Variants in CD1A observed in about 807,000 individuals in gnomAD.
The protein encoded by CD1A is CD1a molecule.
In CD1A, 50 loss-of-function variants were observed where a neutral mutation model predicts 38.3. The ratio of observed to expected loss-of-function variants is 1.30; its 90% confidence interval spans 1.04 to 1.65. The LOEUF is 1.65. Ranked by LOEUF, CD1A falls within the 40% of genes most tolerant of loss-of-function variation. CD1A has a pLI of 0.00. For synonymous variants in CD1A, 160 were observed against 150.8 expected, an observed-to-expected ratio of 1.06 and a Z score of -0.45; for missense variants, 459 against 406.1, an observed-to-expected ratio of 1.13 and a Z score of -1.12.
rs769775413 is a variant in CD1A at position 158,257,073 on chromosome 1, A to C, written c.883+9A>C. ...CATCGTCCTCTACTGGGGTGAGAAA[A>C]AGCTAAGGCCCAGGCTGGAAATGCC... On this transcript the variant is annotated intron_variant, in intron 4 of 5. Coordinates refer to ENST00000289429, the MANE Select transcript of CD1A (RefSeq NM_001763.3). 1.9e-6 allele frequency: 3 copies of C among 1,596,200 alleles called. No individual in the cohort carries two copies. The highest frequency in any genetic ancestry group is 2.6e-6 in the Non-Finnish European group (3 of 1,168,174).
intron 5 of CD1A, 57 bp from the exon 6 acceptor site, chr1:158,257,623 CT>C (rs1650305202): frequency 2.7e-5 from 43 of 1,597,730 alleles, no homozygotes; most frequent in Non-Finnish European, 3.7e-5. Context: ...TTCCCTCTTG[CT>C]CCTCAATTCT....
upstream of CD1A, among the ~76,000 whole-genome samples, chr1:158,250,212 C>T (rs1195248360): frequency 6.6e-6 from 1 of 152,136 alleles, no homozygotes; most frequent in Non-Finnish European, 1.5e-5. Context: ...TAGTGGTGGA[C>T]AGGAGGGCAA....
upstream of CD1A, among the ~76,000 whole-genome samples, chr1:158,253,593 T>C (rs554015590): frequency 8.5e-4 from 129 of 152,312 alleles, no homozygotes; most frequent in Non-Finnish European, 1.4e-3. Context: ...ACTGAATTCA[T>C]TCATTCATTT....
upstream of CD1A, among the ~76,000 whole-genome samples, chr1:158,250,220 C>T (rs927262961): frequency 6.6e-5 from 10 of 152,140 alleles, no homozygotes; most frequent in Admixed American, 2.0e-4. Flanking sequence ...GACAGGAGGG[C>T]AAGAATTGCC....
At chr1:158,254,340 G>T, upstream of CD1A, 1 of 1,182,120 alleles carries the variant, frequency 8.5e-7, no homozygotes, top group Admixed American at 4.0e-5. Context: ...GTATGATTGA[G>T]AAAAAAATGT....
intron 3 of CD1A, among the ~76,000 whole-genome samples, 166 bp from the exon 4 acceptor site, chr1:158,256,620 T>C (rs556173753): frequency 1.3e-5 from 2 of 151,540 alleles, no homozygotes; most frequent in African/African-American, 4.9e-5. Context: ...CAGTGAGCTA[T>C]AATTTATAAT....
At chr1:158,253,464 C>CTAA (rs1558065220), upstream of CD1A, among the ~76,000 whole-genome samples, 82 of 152,210 alleles carry the variant, frequency 5.4e-4, 1 homozygote, top group African/African-American at 1.8e-3. Context: ...GTACTTTTAT[C>CTAA]CTAAATAAAA....
rs1178993205 is a variant in CD1A at position 158,255,123 on chromosome 1, C to T, written c.98C>T (p.Ala33Val). The change falls in exon 2 of 6, where the codon GCA (alanine) becomes GTA (valine). Residue 33 changes from alanine (A) to valine (V), a missense_variant. Transcript: ENST00000289429. ...EPLSFHVTWI[A>V]SFYNHSWKQN... ...CTCTCCTTCCATGTCACCTGGATCG[C>T]ATCCTTTTACAACCATTCCTGGAAA... 1 of 1,614,098 alleles carries T rather than the reference C, an allele frequency of 6.2e-7. No individual in the cohort carries two copies. Among genetic ancestry groups the T allele is most frequent in the African/African-American group, 1.3e-5 (1 of 75,006 alleles).
chr1:158,254,456 G>T lies in CD1A; in HGVS notation c.-214G>T. 3 of 1,391,888 alleles carry T rather than the reference G, an allele frequency of 2.2e-6. No individual in the cohort carries two copies. The highest frequency in any genetic ancestry group is 2.8e-6 in the Non-Finnish European group (3 of 1,072,540). The allele number at this position is 1,391,888 out of a possible 1,614,324, so 86.2% of individuals were successfully genotyped here. On this transcript the variant is annotated 5_prime_UTR_variant, in exon 1 of 6. Coordinates refer to ENST00000289429, the MANE Select transcript of CD1A (RefSeq NM_001763.3). Reference sequence around the variant, plus strand: ...AGGTTGGTGACAAGGAGAGAAGCTGGAACAGAGAGGAGAGTCAGAACCAGA... The same window carrying T: ...AGGTTGGTGACAAGGAGAGAAGCTGTAACAGAGAGGAGAGTCAGAACCAGA...
At chr1:158,254,313 C>G, upstream of CD1A, 1 of 1,130,334 alleles carries the variant, frequency 8.8e-7, no homozygotes, top group Non-Finnish European at 1.1e-6. Context: ...GGAGCCATTT[C>G]ACTTTATGCT....
At chr1:158,251,622 A>T (rs925553980), upstream of CD1A, among the ~76,000 whole-genome samples, 2 of 152,150 alleles carry the variant, frequency 1.3e-5, no homozygotes, top group Non-Finnish European at 2.9e-5. Context: ...GAGTAAGAGC[A>T]CTGTCTTTTG....
Position 158,257,108 on chromosome 1 carries a change from A to T in CD1A, c.883+44A>T, listed in dbSNP as rs373426785. ...CCAGGCTGGAAATGCCAGGAAGTGG[A>T]CCTCAGGCATAGAGGGAGGGCAAGC... On this transcript the variant is annotated intron_variant, in intron 4 of 5. Coordinates refer to ENST00000289429, the MANE Select transcript of CD1A (RefSeq NM_001763.3). 6.4e-6 allele frequency: 10 copies of T among 1,570,394 alleles called. No individual in the cohort carries two copies. The African/African-American group carries it at 8.1e-5, about 13-fold the overall frequency.
chr1:158,257,798 C>T lies in CD1A; in HGVS notation c.*108C>T. 1.1e-6 allele frequency: 1 copy of T among 926,496 alleles called. No individual in the cohort carries two copies. Among genetic ancestry groups the T allele is most frequent in the South Asian group, 1.5e-5 (1 of 67,574 alleles). 57.4% of individuals were successfully genotyped at this position (926,496 alleles called of 1,614,324 possible). ...CATCGTGATGATGACGTCCTCTCAA[C>T]TCTCTTTGTAAAAATTTTGTTATTT... is the stretch of plus-strand genomic sequence containing the variant. On this transcript the variant is annotated 3_prime_UTR_variant, in exon 6 of 6. Transcript: ENST00000289429.
At chr1:158,250,838 A>G (rs1250164451), upstream of CD1A, among the ~76,000 whole-genome samples, 1 of 152,198 alleles carries the variant, frequency 6.6e-6, no homozygotes, top group Non-Finnish European at 1.5e-5. Flanking sequence ...GTTTTAAAAG[A>G]GCTTTTTAAG....
At chr1:158,253,277 A>G (rs1202870949), upstream of CD1A, among the ~76,000 whole-genome samples, 1 of 152,162 alleles carries the variant, frequency 6.6e-6, no homozygotes, top group African/African-American at 2.4e-5. Context: ...TCCGGCAAAG[A>G]CTCATTTATA....
chr1:158,256,749 C>T (rs1465791888), intron 3 of CD1A, 37 bp from the exon 4 acceptor site: 1 of 1,596,768 alleles, frequency 6.3e-7, no homozygotes, highest in South Asian at 1.1e-5. Context: ...TATGAAACTC[C>T]AAGTCTGTAT....
At chr1:158,257,654 G>A in intron 5 of CD1A, 27 bp from the exon 6 acceptor site, 1 of 1,613,102 alleles carries the variant, frequency 6.2e-7, no homozygotes, top group Non-Finnish European at 8.5e-7. Context: ...CTTATTCAGA[G>A]TGACTTCTAT....
Position 158,255,241 on chromosome 1 carries a change from G to C in CD1A, c.216G>C (p.Arg72Ser), listed in dbSNP as rs1650215318. ...TCGTTTTCCTGTGCCCCTGGTCCAGGGGAAACTTCAGCAATGAGGAGTGGA... is the reference window on the plus strand; with the variant it reads ...TCGTTTTCCTGTGCCCCTGGTCCAGCGGAAACTTCAGCAATGAGGAGTGGA... ...STIVFLCPWS[R>S]GNFSNEEWKE... The change falls in exon 2 of 6, where the codon AGG becomes AGC. Residue 72 changes from arginine to serine, a missense_variant. Coordinates refer to ENST00000289429, the MANE Select transcript of CD1A (RefSeq NM_001763.3). The C allele has an allele frequency of 6.2e-7, 1 of 1,613,988 alleles. No homozygotes were observed. Among genetic ancestry groups the C allele is most frequent in the East Asian group, 2.2e-5 (1 of 44,886 alleles).
In CD1A at chr1:158,256,264, G is replaced by A. The variant is rs528283553; in HGVS notation, c.586G>A (p.Ala196Thr). The change falls in exon 3 of 6, where the codon GCA becomes ACA. Residue 196 changes from alanine (A) to threonine (T), a missense_variant. Ala to Thr is a moderately conservative substitution (Grantham distance 58). Coordinates refer to ENST00000289429, the MANE Select transcript of CD1A (RefSeq NM_001763.3). ...CTTGGGTCTTCTTGATGCAGGAAAG[G>A]CACATCTCCAGCGGCAAGGTCAGTC... ...FILGLLDAGKAHLQRQVKPEA... is the reference protein window; with the variant it reads ...FILGLLDAGKTHLQRQVKPEA... The A allele has an allele frequency of 2.5e-6, 4 of 1,613,746 alleles. No homozygotes were observed. Among genetic ancestry groups the A allele is most frequent in the Non-Finnish European group, 3.4e-6 (4 of 1,180,008 alleles).
Sources: allele counts gnomAD v4.1 joint callset (sites outside exome capture counted in the v4.1 genomes callset), GRCh38; gene constraint gnomAD v4.1.1; transcripts MANE v1.5; gene names NCBI Gene and HGNC (gene_info 2026-07-23, HGNC 2026-07-21).